DNAJC10: variants seen among roughly 807,000 people sequenced by gnomAD.
DNAJC10 encodes the protein endoplasmic reticulum disulfide reductase DNAJC10.
DNAJC10 carries 101 observed loss-of-function variants against 115.0 expected under a neutral mutation model. The ratio of observed to expected loss-of-function variants is 0.88; its 90% CI spans 0.75 to 1.04. DNAJC10 has a LOEUF of 1.04. Ranked by LOEUF, DNAJC10 falls within the 50% of genes least tolerant of loss-of-function variation. The pLI is 0.00. For synonymous variants in DNAJC10, 307 were observed against 301.5 expected, an observed-to-expected ratio of 1.02 and a Z score of -0.19; for missense variants, 981 against 928.8, an observed-to-expected ratio of 1.06 and a Z score of -0.73.
At chr2:182,719,798 CTT>C (rs35682380) in intron 3 of DNAJC10, among the ~76,000 whole-genome samples, 7 of 122,196 alleles carry the variant, frequency 5.7e-5, no homozygotes, top group African/African-American at 1.6e-4. Flanking sequence ...ACTTTTCTTA[CTT>C]TTTTTTTTTT....
chr2:182,760,185 T>C (rs1484644490), intron 21 of DNAJC10, among the ~76,000 whole-genome samples: 1 of 152,170 alleles, frequency 6.6e-6, no homozygotes, highest in Non-Finnish European at 1.5e-5. Context: ...CTCTCTAAAA[T>C]GCTCTGTCCT....
Position 182,781,862 on chromosome 2 carries a change from A to T in DNAJC10, c.*4730A>T, listed in dbSNP as rs1019981824. ...AGATTCTGGATATTAGCCCTTTGTC[A>T]GATGGATAGATTGCAAAAAGTTTCT... is the stretch of plus-strand genomic sequence containing the variant. On this transcript the variant is annotated 3_prime_UTR_variant, in exon 24 of 24. Transcript: ENST00000264065. 1 of 152,170 alleles carries T rather than the reference A, an allele frequency of 6.6e-6. No homozygotes were observed. The highest frequency in any genetic ancestry group is 2.4e-5 in the African/African-American group (1 of 41,432). 9.4% of individuals were successfully genotyped at this position (152,170 alleles called of 1,614,324 possible). A position where few individuals can be genotyped will look rare whatever the true frequency, so the allele number is the denominator to read the frequency against.
At chr2:182,733,372 TA>T (rs1340396306) in intron 10 of DNAJC10, among the ~76,000 whole-genome samples, 7 of 151,930 alleles carry the variant, frequency 4.6e-5, no homozygotes, top group African/African-American at 1.7e-4. Context: ...TATTTCACCC[TA>T]TGCCTAGGCC....
chr2:182,739,906 T>G (rs1693688359), intron 11 of DNAJC10: 2 of 986,276 alleles, frequency 2.0e-6, no homozygotes, highest in South Asian at 4.6e-5. Context: ...TAAGTGAATG[T>G]GTAAAACATT....
rs1384721771 is a variant in DNAJC10 at position 182,780,588 on chromosome 2, T to C, written c.*3456T>C. 1 of 152,148 alleles carries C rather than the reference T, an allele frequency of 6.6e-6. No homozygotes were observed. Among genetic ancestry groups the C allele is most frequent in the African/African-American group, 2.4e-5 (1 of 41,438 alleles). The allele number at this position is 152,148 out of a possible 1,614,324, so 9.4% of individuals were successfully genotyped here. A position where few individuals can be genotyped will look rare whatever the true frequency, so the allele number is the denominator to read the frequency against. ...GCAAAACAGACTAATACAGTTTCTT[T>C]TCAGTAAGAATTACAAAATTTAGGC... On this transcript the variant is annotated 3_prime_UTR_variant, in exon 24 of 24. Transcript: ENST00000264065.
intron 19 of DNAJC10, 72 bp downstream of exon 19, chr2:182,757,897 G>A: frequency 1.1e-6 from 1 of 896,580 alleles, no homozygotes; most frequent in Non-Finnish European, 1.6e-6. Context: ...TAAGTTACCT[G>A]AACAAAATAA....
Position 182,787,110 on chromosome 2 carries a change from A to G in DNAJC10, c.*9978A>G, listed in dbSNP as rs1694961659. On this transcript the variant is annotated 3_prime_UTR_variant, in exon 24 of 24. Coordinates refer to ENST00000264065, the MANE Select transcript of DNAJC10 (RefSeq NM_018981.4). Reference sequence around the variant, plus strand: ...TGTGTTTTTTTAAGCCAGCCAGTTCATTTTGTTATAGCAGCCTGGACAGAC... The same window carrying G: ...TGTGTTTTTTTAAGCCAGCCAGTTCGTTTTGTTATAGCAGCCTGGACAGAC... 1 of 152,202 alleles carries G rather than the reference A, an allele frequency of 6.6e-6. No homozygotes were observed. The allele number at this position is 152,202 out of a possible 1,614,324, so 9.4% of individuals were successfully genotyped here.
intron 10 of DNAJC10, 78 bp from the exon 11 acceptor site, chr2:182,736,171 T>C (rs1693579711): frequency 2.1e-6 from 3 of 1,418,094 alleles, no homozygotes; most frequent in African/African-American, 3.0e-5. Flanking sequence ...ATTGTGTTTT[T>C]AGCTAAGTAA....
intron 13 of DNAJC10, 121 bp downstream of exon 13, chr2:182,741,477 G>T: frequency 2.0e-6 from 1 of 488,862 alleles, no homozygotes; most frequent in Non-Finnish European, 3.5e-6. Context: ...GCCTATAAGT[G>T]CTTTTAGTCT....
chr2:182,746,701 C>CT (rs1468984680), intron 14 of DNAJC10, among the ~76,000 whole-genome samples: 1 of 152,004 alleles, frequency 6.6e-6, no homozygotes, highest in Non-Finnish European at 1.5e-5. Context: ...TCTGATGGTA[C>CT]TTTCTTTTGC....
Position 182,718,255 on chromosome 2 carries a change from A to C in DNAJC10, c.169A>C (p.Lys57Gln). 6.2e-7 allele frequency: 1 copy of C among 1,611,560 alleles called. No homozygotes were observed. Among genetic ancestry groups the C allele is most frequent in the Non-Finnish European group, 8.5e-7 (1 of 1,179,288 alleles). Reference protein sequence around the residue: ...SSREIRQAFKKLALKLHPDKN... With the variant: ...SSREIRQAFKQLALKLHPDKN... ...TAGAGAAATAAGACAAGCTTTCAAG[A>C]AATTGGCATTGAAGTTACATCCTGA... Residue 57 changes from lysine to glutamine, a missense_variant, in exon 3 of 24, where the codon AAA (lysine) becomes CAA (glutamine). Physicochemically the swap from Lys to Gln is moderately conservative, Grantham distance 53. Transcript: ENST00000264065.
In DNAJC10 at chr2:182,756,392, G is replaced by A; in HGVS notation, c.1732G>A (p.Val578Ile). ...ELVTQRKHNE[V>I]WMVDFYSPWC... The stretch of plus-strand genomic sequence containing the variant: ...AGTTACACAAAGAAAACACAACGAA[G>A]TCTGGATGGTTGATTTCTATTCTCC... The change falls in exon 18 of 24, where the codon GTC (valine) becomes ATC (isoleucine). Residue 578 changes from valine to isoleucine, a missense_variant. Val to Ile is a conservative substitution (Grantham distance 29). Coordinates refer to ENST00000264065, the MANE Select transcript of DNAJC10 (RefSeq NM_018981.4). 6.2e-7 allele frequency: 1 copy of A among 1,613,994 alleles called. No individual in the cohort carries two copies. The highest frequency in any genetic ancestry group is 1.1e-5 in the South Asian group (1 of 91,082).
At chr2:182,765,573 G>C (rs1482848917) in intron 22 of DNAJC10, among the ~76,000 whole-genome samples, 1 of 152,164 alleles carries the variant, frequency 6.6e-6, no homozygotes, top group Non-Finnish European at 1.5e-5. Flanking sequence ...GGCTTCCACA[G>C]CTGCAAGCCA....
At chr2:182,728,378 G>A (rs2105619691) in intron 5 of DNAJC10, among the ~76,000 whole-genome samples, 198 bp from the exon 6 acceptor site, 1 of 152,016 alleles carries the variant, frequency 6.6e-6, no homozygotes, top group South Asian at 2.1e-4. Flanking sequence ...AATGTTTCTT[G>A]TGGAAAAAAA....
chr2:182,730,561 A>G (rs1207208999), intron 8 of DNAJC10: 1 of 453,350 alleles, frequency 2.2e-6, no homozygotes, highest in East Asian at 7.0e-5. Flanking sequence ...GATGTGTAAA[A>G]CAACCCAGTT....
In DNAJC10 at chr2:182,785,776, CATAG is replaced by C. The variant is rs1338493746; in HGVS notation, c.*8647_*8650del. On this transcript the variant is annotated 3_prime_UTR_variant, in exon 24 of 24. Transcript: ENST00000264065. Reference sequence around the variant, plus strand: ...AGACTATTGTATACATTTATATATACATAGATCTATAGAGACAGTAGGATATATT... The same window carrying C: ...AGACTATTGTATACATTTATATATACATCTATAGAGACAGTAGGATATATT... The C allele has an allele frequency of 2.0e-5, 3 of 152,020 alleles. No individual in the cohort carries two copies. Among genetic ancestry groups the C allele is most frequent in the Non-Finnish European group, 2.9e-5 (2 of 68,006 alleles). The allele number at this position is 152,020 out of a possible 1,614,324, so 9.4% of individuals were successfully genotyped here. A position where few individuals can be genotyped will look rare whatever the true frequency, so the allele number is the denominator to read the frequency against.
intron 22 of DNAJC10, among the ~76,000 whole-genome samples, chr2:182,771,212 A>AT (rs1300671129): frequency 1.3e-5 from 2 of 151,796 alleles, no homozygotes; most frequent in Non-Finnish European, 2.9e-5. Flanking sequence ...GTTTGCCAGT[A>AT]TTTTATTGAG....
At chr2:182,754,806 G>A (rs1158502416) in intron 16 of DNAJC10, 197 bp from the exon 17 acceptor site, 2 of 1,331,870 alleles carry the variant, frequency 1.5e-6, no homozygotes, top group Non-Finnish European at 1.9e-6. Flanking sequence ...TAAGGATCAG[G>A]TATTCATCAG....
chr2:182,788,420 C>G lies in DNAJC10; in HGVS notation c.*11288C>G, dbSNP rs1694989255. ...TTACCTATGTACCTGTTACCACTTG[C>G]AGAAATCAACAGACAAGGTGGATGA... On this transcript the variant is annotated 3_prime_UTR_variant, in exon 24 of 24. Transcript: ENST00000264065. 2 of 211,730 alleles carry G rather than the reference C, an allele frequency of 9.4e-6. No homozygotes were observed. Among genetic ancestry groups the G allele is most frequent in the Admixed American group, 1.1e-4 (2 of 17,400 alleles). 13.1% of individuals were successfully genotyped at this position (211,730 alleles called of 1,614,324 possible). A position where few individuals can be genotyped will look rare whatever the true frequency, so the allele number is the denominator to read the frequency against.
Sources: allele counts gnomAD v4.1 joint callset (sites outside exome capture counted in the v4.1 genomes callset), GRCh38; gene constraint gnomAD v4.1.1; transcripts MANE v1.5; gene names NCBI Gene and HGNC (gene_info 2026-07-23, HGNC 2026-07-21).